Variants in MORN1 observed in about 807,000 individuals in gnomAD.
MORN1 encodes MORN repeat containing 1, also known as MORN repeat-containing protein 1.
MORN1 carries 67 observed loss-of-function variants against 61.9 expected under a neutral mutation model. The observed-to-expected ratio is 1.08, with a 90% confidence interval of 0.89 to 1.33. The LOEUF (loss-of-function observed/expected upper bound fraction) is 1.33, where lower values mean the gene tolerates loss of function less well. Ranked by LOEUF, MORN1 falls within the 40% of genes most tolerant of loss-of-function variation. The probability of loss-of-function intolerance (pLI) is 0.00; values close to 1 mark genes in which losing one functional copy is unlikely to be tolerated. For synonymous variants in MORN1, 301 were observed against 292.0 expected, an observed-to-expected ratio of 1.03 and a Z score of -0.31; for missense variants, 752 against 691.2, an observed-to-expected ratio of 1.09 and a Z score of -0.99.
chr1:2,364,014 T>C (rs1482703162), intron 8 of MORN1, among the ~76,000 whole-genome samples: 1 of 152,218 alleles, frequency 6.6e-6, no homozygotes, highest in African/African-American at 2.4e-5. Context: ...AAGGCAGAGA[T>C]TGTTAGACTG....
At chr1:2,333,909 A>T (rs1479226405) in intron 12 of MORN1, among the ~76,000 whole-genome samples, 1 of 106,994 alleles carries the variant, frequency 9.3e-6, no homozygotes, top group East Asian at 2.6e-4. Context: ...TGCTGGAAAG[A>T]ACAGCTTTCT....
At chr1:2,347,863 G>A (rs903666884) in intron 10 of MORN1, among the ~76,000 whole-genome samples, 1 of 152,238 alleles carries the variant, frequency 6.6e-6, no homozygotes, top group Non-Finnish European at 1.5e-5. Flanking sequence ...AAAAGTCACA[G>A]GTAGAGTACA....
chr1:2,351,830 C>T, intron 10 of MORN1: 1 of 528,708 alleles, frequency 1.9e-6, no homozygotes, highest in Non-Finnish European at 3.7e-6. Context: ...CCGTGTGTGG[C>T]AGCATCTTGC....
At chr1:2,342,840 A>ATTTTTTATTTTATTTTATTT (rs1553211060) in intron 10 of MORN1, among the ~76,000 whole-genome samples, 3 of 102,002 alleles carry the variant, frequency 2.9e-5, no homozygotes, top group Non-Finnish European at 4.0e-5. Flanking sequence ...ATTTTATTTT[A>ATTTTTTATTTTATTTTATTT]TATTTTATTT....
chr1:2,348,306 T>C (rs1377218479), intron 10 of MORN1, among the ~76,000 whole-genome samples: 3 of 152,214 alleles, frequency 2.0e-5, no homozygotes, highest in Non-Finnish European at 4.4e-5. Context: ...ATGCCTTTCA[T>C]GGATGGCTCT....
intron 10 of MORN1, among the ~76,000 whole-genome samples, chr1:2,347,563 G>A (rs1376303666): frequency 6.6e-6 from 1 of 152,092 alleles, no homozygotes; most frequent in Non-Finnish European, 1.5e-5. Context: ...GCCATTGCTG[G>A]ACAGGCCCCA....
chr1:2,349,598 A>G (rs1383296630), intron 10 of MORN1, among the ~76,000 whole-genome samples: 1 of 152,228 alleles, frequency 6.6e-6, no homozygotes, highest in Non-Finnish European at 1.5e-5. Context: ...CTTTAAAAAT[A>G]TGGCTCTTTC....
At chr1:2,348,525 T>C (rs1020271227) in intron 10 of MORN1, among the ~76,000 whole-genome samples, 3 of 152,144 alleles carry the variant, frequency 2.0e-5, no homozygotes, top group Admixed American at 6.5e-5. Flanking sequence ...GGGTACTGTG[T>C]CCGCTCCTGC....
At chr1:2,331,178 G>GGGC (rs1641140591) in intron 12 of MORN1, among the ~76,000 whole-genome samples, 2 of 152,212 alleles carry the variant, frequency 1.3e-5, no homozygotes, top group African/African-American at 4.8e-5. Flanking sequence ...GGTGGACATG[G>GGGC]GGCACATGGT....
In MORN1 at chr1:2,357,646, T is replaced by G. The variant is rs199793461; in HGVS notation, c.870-48A>C. Reference sequence around the variant, plus strand: ...TGGCTCTACTCACCCCACACCAAACTAGGGTGCAGGCAGACAGCGTGGCCC... The same window carrying G: ...TGGCTCTACTCACCCCACACCAAACGAGGGTGCAGGCAGACAGCGTGGCCC... On this transcript the variant is annotated intron_variant, in intron 9 of 13. Transcript: ENST00000378531. This position sits in a 1 kb window ranked among gnomAD's most constrained non-coding sequence, Gnocchi z 6.3. 8.6e-4 allele frequency: 1,317 copies of G among 1,532,546 alleles called. 17 individuals carry two copies. In the African/African-American group the frequency reaches 0.016, roughly 19 times the overall value. The allele number at this position is 1,532,546 out of a possible 1,614,324, so 94.9% of individuals were successfully genotyped here. A position where few individuals can be genotyped will look rare whatever the true frequency, so the allele number is the denominator to read the frequency against.
intron 8 of MORN1, among the ~76,000 whole-genome samples, chr1:2,360,596 G>C (rs1013971615): frequency 6.6e-6 from 1 of 152,170 alleles, no homozygotes; most frequent in African/African-American, 2.4e-5. Flanking sequence ...AAAATTCAAA[G>C]GGCAGAGCAG....
chr1:2,348,554 C>T (rs192672688), intron 10 of MORN1, among the ~76,000 whole-genome samples: 1,887 of 152,314 alleles, frequency 0.012, 41 homozygotes, highest in African/African-American at 0.043. Flanking sequence ...GAGCCGCTGC[C>T]CACGGGCCCT....
At position 2,337,988 on chromosome 1, in the gene MORN1, C is replaced by T. The variant is rs549157656; in HGVS notation, c.1037-1138G>A. Among the ~76,000 whole-genome samples the T allele has an allele frequency of 2.6e-5, 4 of 152,258 alleles. No homozygotes were observed. The East Asian group carries it at 7.7e-4, about 29-fold the overall frequency. ...GAGTCAGGGGCTGCTGAGGGGTGCA[C>T]AGGAGGCTGGGTCTGTTTGGGCTCA... On this transcript the variant is annotated intron_variant, in intron 10 of 13. Transcript: ENST00000378531. The surrounding 1 kb of genome is among the most constrained non-coding windows in gnomAD (Gnocchi z 5.7).
Position 2,336,738 on chromosome 1 carries a change from C to A in MORN1, c.1149G>T (p.Leu383=). Residue 383 remains leucine (L), a synonymous_variant, in exon 11 of 14, where the codon CTG becomes CTT. Transcript: ENST00000378531. The part of the protein sequence containing the change: ...GPPPPGYHPF[L]FLDSLHKKAG... The stretch of plus-strand genomic sequence containing the variant: ...CCACCTTGTGGAGGCTGTCCAGGAA[C>A]AGGAAGGGGTGGTACCCAGGCGGGG... The A allele has an allele frequency of 6.3e-7, 1 of 1,586,604 alleles. No homozygotes were observed.
At chr1:2,326,664 T>C (rs1409340126) in intron 12 of MORN1, 1 of 152,434 alleles carries the variant, frequency 6.6e-6, no homozygotes, top group African/African-American at 2.4e-5. Context: ...CCTCACGCGC[T>C]GGCCATGACG....
chr1:2,356,845 C>T (rs1316316200), intron 10 of MORN1, among the ~76,000 whole-genome samples: 2 of 152,220 alleles, frequency 1.3e-5, no homozygotes, highest in African/African-American at 4.8e-5. Flanking sequence ...GGAATGATCC[C>T]TGTGAAGTCT....
intron 10 of MORN1, among the ~76,000 whole-genome samples, chr1:2,353,394 C>T (rs1171694752): frequency 2.0e-5 from 3 of 152,182 alleles, no homozygotes; most frequent in Non-Finnish European, 4.4e-5. Context: ...TGCAGCTGGG[C>T]CTGAGCCTGT....
rs555333591 is a variant in MORN1 at position 2,333,168 on chromosome 1, G to A, written c.1250+3301C>T. Among the ~76,000 whole-genome samples the A allele has an allele frequency of 4.6e-5, 7 of 152,330 alleles. No individual in the cohort carries two copies. In the East Asian group the frequency reaches 7.7e-4, roughly 17 times the overall value. On this transcript the variant is annotated intron_variant, in intron 12 of 13. Transcript: ENST00000378531. Reference sequence around the variant, plus strand: ...CCAGGCAGGAAGTGCAGTGAGCATCGGGCTCCCGCCTGGAGATGCTCCTGG... The same window carrying A: ...CCAGGCAGGAAGTGCAGTGAGCATCAGGCTCCCGCCTGGAGATGCTCCTGG...
chr1:2,351,588 G>T, intron 10 of MORN1: 1 of 250,948 alleles, frequency 4.0e-6, no homozygotes, highest in South Asian at 4.4e-5. Context: ...TGGCCGGGCC[G>T]TGTAACCAAG....
Sources: gnomAD v4.1 joint callset for allele counts (sites outside exome capture counted in the v4.1 genomes callset) on GRCh38, gnomAD v4.1.1 for gene constraint, Gnocchi (gnomAD v3.1) non-coding constraint, MANE v1.5 for transcripts, NCBI Gene and HGNC (gene_info 2026-07-23, HGNC 2026-07-21) for gene names.